The following PRPF38A variants were observed in gnomAD, a reference collection of about 807,000 sequenced individuals.
PRPF38A encodes the protein pre-mRNA processing factor 38A.
In PRPF38A, 11 loss-of-function variants were observed where a neutral mutation model predicts 46.8. The observed-to-expected ratio is 0.24, with a 90% CI of 0.15 to 0.39. PRPF38A has a LOEUF of 0.39. Among genes scored for constraint, PRPF38A ranks in the 10% least tolerant of loss-of-function variants. The pLI is 1.00. For missense variants in PRPF38A, 261 were observed against 407.5 expected, an observed-to-expected ratio of 0.64 and a Z score of 3.10; for synonymous variants, 124 against 136.2, an observed-to-expected ratio of 0.91 and a Z score of 0.62.
At chr1:52,410,424 A>G (rs1648114962) in intron 3 of PRPF38A, among the ~76,000 whole-genome samples, 1 of 150,838 alleles carries the variant, frequency 6.6e-6, no homozygotes, top group South Asian at 2.1e-4. Context: ...TCTCCTATGT[A>G]AAGTGAGGTT....
chr1:52,408,286 C>T, intron 2 of PRPF38A: 1 of 521,214 alleles, frequency 1.9e-6, no homozygotes, highest in Admixed American at 2.5e-5. Context: ...TTAGAGTAAT[C>T]CTGTGAGGTA....
intron 3 of PRPF38A, 77 bp from the exon 4 acceptor site, chr1:52,411,038 T>G (rs1569978083): frequency 9.8e-7 from 1 of 1,016,896 alleles, no homozygotes; most frequent in Non-Finnish European, 1.5e-6. Context: ...TGATATGAAG[T>G]CTTAACACTT....
chr1:52,411,271 C>CAA, intron 4 of PRPF38A, 71 bp downstream of exon 4: 1 of 1,085,502 alleles, frequency 9.2e-7, no homozygotes, highest in Non-Finnish European at 1.4e-6. Context: ...AACACATACA[C>CAA]ACAGCTTAAA....
At chr1:52,407,578 G>A (rs1648034200) in intron 2 of PRPF38A, among the ~76,000 whole-genome samples, 1 of 152,168 alleles carries the variant, frequency 6.6e-6, no homozygotes, top group South Asian at 2.1e-4. Context: ...TCATGTTTAT[G>A]TGTACTTGTT....
chr1:52,417,039 TTTTGGTTTGTTGTGGTTGGAACTGC>T lies in PRPF38A; in HGVS notation c.*354_*378del, dbSNP rs1648314483. The T allele has an allele frequency of 4.7e-6, 1 of 213,914 alleles. No individual in the cohort carries two copies. Among genetic ancestry groups the T allele is most frequent in the Non-Finnish European group, 9.5e-6 (1 of 105,318 alleles). The allele number at this position is 213,914 out of a possible 1,614,324, so 13.3% of individuals were successfully genotyped here. ...GTTTCCCATTTCGCTGTAGTTTAGT[TTTTGGTTTGTTGTGGTTGGAACTGC>T]TTTGAGAATCCTGGGATTTGTGCTG... is the stretch of plus-strand genomic sequence containing the variant. On this transcript the variant is annotated 3_prime_UTR_variant, in exon 10 of 10. Transcript: ENST00000257181.
At position 52,408,564 on chromosome 1, in the gene PRPF38A, C is replaced by G. The variant is rs1473708755; in HGVS notation, c.291-5C>G. On this transcript the variant is annotated splice_region_variant and splice_polypyrimidine_tract_variant and intron_variant, in intron 2 of 9. Coordinates refer to ENST00000257181, the MANE Select transcript of PRPF38A (RefSeq NM_032864.4). ...CCTGTTGTTTCACTGTCATCTGTCTCTCAGGTATGTCCGCATGCTGGGGGC... is the reference window on the plus strand; with the variant it reads ...CCTGTTGTTTCACTGTCATCTGTCTGTCAGGTATGTCCGCATGCTGGGGGC... 2.5e-6 allele frequency: 4 copies of G among 1,614,016 alleles called. No homozygotes were observed. The highest frequency in any genetic ancestry group is 1.7e-5 in the Admixed American group (1 of 59,998).
intron 4 of PRPF38A, 89 bp downstream of exon 4, chr1:52,411,289 G>C (rs931095000): frequency 3.3e-6 from 3 of 897,374 alleles, no homozygotes; most frequent in Non-Finnish European, 5.3e-6. Context: ...AAACACTGAA[G>C]CCTGTGGATC....
intron 3 of PRPF38A, among the ~76,000 whole-genome samples, chr1:52,410,669 T>G (rs995223895): frequency 1.3e-5 from 2 of 152,008 alleles, no homozygotes; most frequent in African/African-American, 4.8e-5. Flanking sequence ...GCCCAGCTAA[T>G]TTTTGTGTTT....
At chr1:52,413,713 G>A (rs548507533) in intron 5 of PRPF38A, among the ~76,000 whole-genome samples, 166 bp from the exon 6 acceptor site, 1 of 152,270 alleles carries the variant, frequency 6.6e-6, no homozygotes, top group Admixed American at 6.5e-5. Context: ...AATAAGTTTT[G>A]TTAGTTAATA....
Position 52,418,212 on chromosome 1 carries a change from C to T in PRPF38A, c.*1522C>T, listed in dbSNP as rs905586160. ...TTTCATATTCTTCAATGGTTCCTTT[C>T]GTAATACCTGAGTTAATAAAAGTGG... On this transcript the variant is annotated 3_prime_UTR_variant, in exon 10 of 10. Coordinates refer to ENST00000257181, the MANE Select transcript of PRPF38A (RefSeq NM_032864.4). 2 of 152,564 alleles carry T rather than the reference C, an allele frequency of 1.3e-5. No homozygotes were observed. Among genetic ancestry groups the T allele is most frequent in the African/African-American group, 4.8e-5 (2 of 41,434 alleles). 9.5% of individuals were successfully genotyped at this position (152,564 alleles called of 1,614,324 possible). A position where few individuals can be genotyped will look rare whatever the true frequency, so the allele number is the denominator to read the frequency against.
chr1:52,412,713 CTA>C, intron 5 of PRPF38A, 89 bp downstream of exon 5: 1 of 859,334 alleles, frequency 1.2e-6, no homozygotes, highest in Non-Finnish European at 1.8e-6. Flanking sequence ...ATTTTTAACT[CTA>C]TTGGCCGGGC....
rs1401626197 is a variant in PRPF38A at position 52,419,292 on chromosome 1, GA to G, written c.*2603del. ...AATCGCTTGAACCTGGGAGGCAGAG[GA>G]TGCGGTGAGCTGAGATCGTGCCACT... On this transcript the variant is annotated 3_prime_UTR_variant, in exon 10 of 10. Transcript: ENST00000257181. The G allele has an allele frequency of 6.6e-6, 1 of 151,570 alleles. No homozygotes were observed. Among genetic ancestry groups the G allele is most frequent in the African/African-American group, 2.4e-5 (1 of 41,082 alleles). 9.4% of individuals were successfully genotyped at this position (151,570 alleles called of 1,614,324 possible).
chr1:52,418,465 T>C lies in PRPF38A; in HGVS notation c.*1775T>C, dbSNP rs754243478. On this transcript the variant is annotated 3_prime_UTR_variant, in exon 10 of 10. Coordinates refer to ENST00000257181, the MANE Select transcript of PRPF38A (RefSeq NM_032864.4). ...TAAAACTTTGTCTTAAAATATGTTT[T>C]AAAGTAAAAATAAACCCACGCACAA... The C allele has an allele frequency of 6.6e-6, 1 of 152,180 alleles. No individual in the cohort carries two copies. The highest frequency in any genetic ancestry group is 1.5e-5 in the Non-Finnish European group (1 of 68,034). 9.4% of individuals were successfully genotyped at this position (152,180 alleles called of 1,614,324 possible). A position where few individuals can be genotyped will look rare whatever the true frequency, so the allele number is the denominator to read the frequency against.
intron 4 of PRPF38A, 63 bp downstream of exon 4, chr1:52,411,263 C>A: frequency 1.8e-6 from 2 of 1,131,316 alleles, no homozygotes; most frequent in Non-Finnish European, 2.7e-6. Context: ...GACAGACAAA[C>A]ACATACACAC....
chr1:52,414,841 T>G lies in PRPF38A; in HGVS notation c.829T>G (p.Ser277Ala). The change falls in exon 8 of 10, where the codon TCC becomes GCC. Residue 277 changes from serine (S) to alanine (A), a missense_variant. By Grantham distance (99) the Ser-to-Ala change is moderately conservative. Coordinates refer to ENST00000257181, the MANE Select transcript of PRPF38A (RefSeq NM_032864.4). Reference sequence around the variant, plus strand: ...CAGGTCCCGAGATCGGCGGCACAGATCCCGTTCCAAGTCCCCAGGTAAAGC... The same window carrying G: ...CAGGTCCCGAGATCGGCGGCACAGAGCCCGTTCCAAGTCCCCAGGTAAAGC... ...RSRSRDRRHR[S>A]RSKSPGHHRS... 6.2e-7 allele frequency: 1 copy of G among 1,614,026 alleles called. No individual in the cohort carries two copies. Among genetic ancestry groups the G allele is most frequent in the East Asian group, 2.2e-5 (1 of 44,880 alleles).
In PRPF38A at chr1:52,408,553, G is replaced by T. The variant is rs933067782; in HGVS notation, c.291-16G>T. The T allele has an allele frequency of 6.2e-7, 1 of 1,613,920 alleles. No individual in the cohort carries two copies. Among genetic ancestry groups the T allele is most frequent in the Non-Finnish European group, 8.5e-7 (1 of 1,179,932 alleles). ...TTCTAGGATGGCCTGTTGTTTCACT[G>T]TCATCTGTCTCTCAGGTATGTCCGC... On this transcript the variant is annotated splice_polypyrimidine_tract_variant and intron_variant, in intron 2 of 9. Transcript: ENST00000257181.
rs1648109426 is a variant in PRPF38A, at chr1:52,410,224, C to G, written c.413-891C>G. On this transcript the variant is annotated intron_variant, in intron 3 of 9. Coordinates refer to ENST00000257181, the MANE Select transcript of PRPF38A (RefSeq NM_032864.4). ...GGCTGAGGCAGCAGAATTGCTTGAA[C>G]CCGGGAGGCGGAGGTTGCAGTGAGC... Among the ~76,000 whole-genome samples, 11 of 148,068 alleles carry G rather than the reference C, an allele frequency of 7.4e-5. No homozygotes were observed. In the Admixed American group the frequency reaches 7.4e-4, roughly 10 times the overall value.
Position 52,405,668 on chromosome 1 carries a change from T to G in PRPF38A, c.131-12T>G, listed in dbSNP as rs1647964860. The G allele has an allele frequency of 8.7e-6, 14 of 1,612,376 alleles. No individual in the cohort carries two copies. The highest frequency in any genetic ancestry group is 1.2e-5 in the Non-Finnish European group (14 of 1,179,786). ...AGCCCTAATATGTTACTGTATTGTT[T>G]TTGTTTTTTAGCTGAACTTGTAGTC... On this transcript the variant is annotated splice_polypyrimidine_tract_variant and intron_variant, in intron 1 of 9. Transcript: ENST00000257181.
chr1:52,412,767 A>G (rs1449714338), intron 5 of PRPF38A, 143 bp downstream of exon 5: 1 of 574,506 alleles, frequency 1.7e-6, no homozygotes, highest in East Asian at 3.0e-5. Flanking sequence ...TGGGAGGCCA[A>G]GGCGAGTGGA....
Sources: gnomAD v4.1 joint callset for allele counts (sites outside exome capture counted in the v4.1 genomes callset) on GRCh38, gnomAD v4.1.1 for gene constraint, MANE v1.5 for transcripts, NCBI Gene and HGNC (gene_info 2026-07-23, HGNC 2026-07-21) for gene names.